The following SLC15A3 variants were observed in gnomAD, a reference collection of about 807,000 sequenced individuals.
The protein encoded by SLC15A3 is osteoclast transporter.
In SLC15A3, 39 loss-of-function variants were observed where a neutral mutation model predicts 49.2. That is an observed-to-expected ratio of 0.79 (90% CI 0.61 to 1.04). The LOEUF (loss-of-function observed/expected upper bound fraction) is 1.04, where lower values mean the gene tolerates loss of function less well. SLC15A3 is among the 50% of genes least tolerant of loss of function. The pLI, the probability that SLC15A3 is intolerant of heterozygous loss-of-function variation, is 0.00. For synonymous variants in SLC15A3, 339 were observed against 367.0 expected (o/e 0.92, Z 0.87); for missense variants, 758 against 794.8 (o/e 0.95, Z 0.56).
At position 60,937,925 on chromosome 11, in the gene SLC15A3, G is replaced by T. The variant is rs1363281698; in HGVS notation, c.1536C>A (p.Ser512Arg). The change falls in exon 7 of 8, where the codon AGC (serine) becomes AGA (arginine). Residue 512 changes from serine to arginine, a missense_variant. Physicochemically the swap from Ser to Arg is moderately radical, Grantham distance 110. Around this residue, in one of 3 missense-constraint regions of SLC15A3, gnomAD observed 699 missense variants for 706.7 expected, o/e 0.99. Coordinates refer to ENST00000227880, the MANE Select transcript of SLC15A3 (RefSeq NM_016582.3). The stretch of plus-strand genomic sequence containing the variant: ...CGGGCAAGGACAGCAGTGCCACTAG[G>T]CTGGAGCCCAACAGTGAGCCCACCC... ...LSGVGSLLGS[S>R]LVALLSLPGG... 1 of 1,614,208 alleles carries T rather than the reference G, an allele frequency of 6.2e-7. No homozygotes were observed. Among genetic ancestry groups the T allele is most frequent in the Non-Finnish European group, 8.5e-7 (1 of 1,180,006 alleles).
In SLC15A3 at chr11:60,941,406, C is replaced by T. The variant is rs1458883846; in HGVS notation, c.1108-116G>A. On this transcript the variant is annotated intron_variant, in intron 4 of 7. Transcript: ENST00000227880. ...TGACCCTGGGGTCCAGCTCCTTTCC[C>T]TCTCTGGAGTTCATGCTCCTCAGCT... 4 of 1,039,166 alleles carry T rather than the reference C, an allele frequency of 3.8e-6. No homozygotes were observed. In the African/African-American group the frequency reaches 4.9e-5, roughly 13 times the overall value. The allele number at this position is 1,039,166 out of a possible 1,614,324, so 64.4% of individuals were successfully genotyped here.
At chr11:60,939,911 C>T in intron 5 of SLC15A3, 1 of 410,576 alleles carries the variant, frequency 2.4e-6, no homozygotes, top group East Asian at 4.2e-5. Context: ...ATGTGCTAGG[C>T]ATTTACCATG....
rs1258101046 is a variant in SLC15A3 at position 60,941,265 on chromosome 11, G to A, written c.1133C>T (p.Ala378Val). The A allele has an allele frequency of 6.2e-7, 1 of 1,613,874 alleles. No homozygotes were observed. The highest frequency in any genetic ancestry group is 1.7e-5 in the Admixed American group (1 of 60,000). Residue 378 changes from alanine (A) to valine (V), a missense_variant, in exon 5 of 8, where the codon GCC (alanine) becomes GTC (valine). Transcript: ENST00000227880. ...YTIPEAWLLLANVVVVLILVP... is the reference protein window; with the variant it reads ...YTIPEAWLLLVNVVVVLILVP... ...CAGAATCAGCACCACCACAACATTG[G>A]CCAGGAGGAGCCAGGCTTCCGGGAT...
intron 2 of SLC15A3, among the ~76,000 whole-genome samples, chr11:60,944,860 T>C (rs1856779034): frequency 6.6e-6 from 1 of 152,184 alleles, no homozygotes; most frequent in Non-Finnish European, 1.5e-5. Context: ...CCTTTGCCCT[T>C]TGTCCTGAGA....
At chr11:60,937,487 G>A (rs1856636849) in intron 7 of SLC15A3, 114 bp from the exon 8 acceptor site, 1 of 1,372,822 alleles carries the variant, frequency 7.3e-7, no homozygotes, top group African/African-American at 1.4e-5. Flanking sequence ...GGCAGTGGTG[G>A]GATCTGAAGA....
chr11:60,951,062 C>A lies in SLC15A3; in HGVS notation c.490G>T (p.Gly164Cys). 6.7e-7 allele frequency: 1 copy of A among 1,492,316 alleles called. No individual in the cohort carries two copies. The allele number at this position is 1,492,316 out of a possible 1,614,324, so 92.4% of individuals were successfully genotyped here. ...SPYCAPVLYAGLLLLGLAASS... is the reference protein window; with the variant it reads ...SPYCAPVLYACLLLLGLAASS... ...GCGGCCAGGCCGAGTAGCAGCAGGC[C>A]CGCGTAGAGGACGGGCGCGCAGTAG... The change falls in exon 1 of 8, where the codon GGC (glycine) becomes TGC (cysteine). Residue 164 changes from glycine to cysteine, a missense_variant. Coordinates refer to ENST00000227880, the MANE Select transcript of SLC15A3 (RefSeq NM_016582.3).
rs1554986440 is a variant in SLC15A3 at position 60,949,564 on chromosome 11, G to GAAGGAAAGA, written c.558+1429_558+1430insTCTTTCCTT. Among the ~76,000 whole-genome samples, 3 of 118,016 alleles carry GAAGGAAAGA rather than the reference G, an allele frequency of 2.5e-5. 1 individual carries two copies. The East Asian group carries it at 7.9e-4, about 31-fold the overall frequency. The allele number at this position is 118,016 out of a possible 152,430, so 77.4% of individuals were successfully genotyped here. A position where few individuals can be genotyped will look rare whatever the true frequency, so the allele number is the denominator to read the frequency against. On this transcript the variant is annotated intron_variant, in intron 1 of 7. Transcript: ENST00000227880. ...AGAAAGAAAGAAAGAAAGAAAGAAA[G>GAAGGAAAGA]AAAGAAAAGAGATGGCCAGGGCTGG...
rs1430723596 is a variant in SLC15A3, at chr11:60,943,991, C to G, written c.849-155G>C. Among the ~76,000 whole-genome samples the G allele has an allele frequency of 2.6e-5, 4 of 152,174 alleles. No homozygotes were observed. In the East Asian group the frequency reaches 5.8e-4, roughly 22 times the overall value. On this transcript the variant is annotated intron_variant, in intron 2 of 7. Coordinates refer to ENST00000227880, the MANE Select transcript of SLC15A3 (RefSeq NM_016582.3). ...TGGCCAAGATGATGAAACTCCGTCCCTACTAAAAATACAAAAATTAGCCAG... is the reference window on the plus strand; with the variant it reads ...TGGCCAAGATGATGAAACTCCGTCCGTACTAAAAATACAAAAATTAGCCAG...
chr11:60,950,845 C>T (rs1022108542), intron 1 of SLC15A3, 149 bp downstream of exon 1: 4 of 780,448 alleles, frequency 5.1e-6, no homozygotes, highest in Non-Finnish European at 7.4e-6. Context: ...CGGTTGCCAT[C>T]GGTTTTGCAA....
Position 60,946,558 on chromosome 11 carries a change from G to C in SLC15A3, c.822C>G (p.Pro274=). The part of the protein sequence containing the change: ...MLKLALQNCC[P]QLWQRHSARD... Reference sequence around the variant, plus strand: ...TGGCCGAGTGTCGTTGCCACAGCTGGGGGCAGCAGTTTTGGAGAGCGAGCT... The same window carrying C: ...TGGCCGAGTGTCGTTGCCACAGCTGCGGGCAGCAGTTTTGGAGAGCGAGCT... The change falls in exon 2 of 8, where the codon CCC becomes CCG. Residue 274 remains proline, a synonymous_variant. Coordinates refer to ENST00000227880, the MANE Select transcript of SLC15A3 (RefSeq NM_016582.3). 5 of 1,581,438 alleles carry C rather than the reference G, an allele frequency of 3.2e-6. No individual in the cohort carries two copies. Among genetic ancestry groups the C allele is most frequent in the Non-Finnish European group, 4.3e-6 (5 of 1,159,672 alleles).
chr11:60,949,495 A>AGAAGGAAGGAAG (rs1248547381), intron 1 of SLC15A3, among the ~76,000 whole-genome samples: 1 of 138,088 alleles, frequency 7.2e-6, no homozygotes, highest in African/African-American at 2.8e-5. Context: ...GAAGAAAGAA[A>AGAAGGAAGGAAG]GAAAGAAGGA....
rs577377966 is a variant in SLC15A3 at position 60,951,573 on chromosome 11, C to G, written c.-22G>C. Reference sequence around the variant, plus strand: ...GCATCCTGGCTCCGGGCTGGGCCCCCCGCGGCTCTTCTCTCCTCTCCTCTC... The same window carrying G: ...GCATCCTGGCTCCGGGCTGGGCCCCGCGCGGCTCTTCTCTCCTCTCCTCTC... On this transcript the variant is annotated 5_prime_UTR_variant, in exon 1 of 8. Transcript: ENST00000227880. The G allele has an allele frequency of 1.4e-4, 157 of 1,136,060 alleles. No individual in the cohort carries two copies. The South Asian group carries it at 3.4e-3, about 25-fold the overall frequency. 70.4% of individuals were successfully genotyped at this position (1,136,060 alleles called of 1,614,324 possible).
At position 60,937,267 on chromosome 11, in the gene SLC15A3, C is replaced by G. The variant is rs369755845; in HGVS notation, c.1698G>C (p.Ala566=). Residue 566 remains alanine (A), a synonymous_variant, in exon 8 of 8, where the codon GCG becomes GCC. Transcript: ENST00000227880. ...FVWIAGRYER[A]SQGPASHSRF... ...GGCTGTGGGAGGCTGGGCCCTGGGA[C>G]GCCCTCTCATAGCGTCCAGCGATCC... 7 of 1,614,022 alleles carry G rather than the reference C, an allele frequency of 4.3e-6. No homozygotes were observed. In the African/African-American group the frequency reaches 5.3e-5, roughly 12 times the overall value.
chr11:60,941,402 T>TTCCCTCTCTGGAGTTCATGCTCCTC lies in SLC15A3; in HGVS notation c.1108-137_1108-113dup. On this transcript the variant is annotated intron_variant, in intron 4 of 7. Coordinates refer to ENST00000227880, the MANE Select transcript of SLC15A3 (RefSeq NM_016582.3). ...TGGGTGACCCTGGGGTCCAGCTCCT[T>TTCCCTCTCTGGAGTTCATGCTCCTC]TCCCTCTCTGGAGTTCATGCTCCTC... The TTCCCTCTCTGGAGTTCATGCTCCTC allele has an allele frequency of 2.7e-6, 3 of 1,109,750 alleles. No homozygotes were observed. In the Admixed American group the frequency reaches 8.6e-5, roughly 32 times the overall value. 68.7% of individuals were successfully genotyped at this position (1,109,750 alleles called of 1,614,324 possible). A position where few individuals can be genotyped will look rare whatever the true frequency, so the allele number is the denominator to read the frequency against.
At position 60,951,138 on chromosome 11, in the gene SLC15A3, C is replaced by G. The variant is rs1856911919; in HGVS notation, c.414G>C (p.Pro138=). Residue 138 remains proline, a synonymous_variant, in exon 1 of 8, where the codon CCG becomes CCC. Coordinates refer to ENST00000227880, the MANE Select transcript of SLC15A3 (RefSeq NM_016582.3). ...SSFCGEMPAS[P]LGPACPSAGC... ...CGGCCGAGGGGCAGGCAGGTCCCAGCGGCGACGCGGGCATCTCTCCGCAGA... is the reference window on the plus strand; with the variant it reads ...CGGCCGAGGGGCAGGCAGGTCCCAGGGGCGACGCGGGCATCTCTCCGCAGA... 7 of 1,485,480 alleles carry G rather than the reference C, an allele frequency of 4.7e-6. No individual in the cohort carries two copies. The highest frequency in any genetic ancestry group is 2.8e-5 in the East Asian group (1 of 36,276). The allele number at this position is 1,485,480 out of a possible 1,614,324, so 92.0% of individuals were successfully genotyped here. A position where few individuals can be genotyped will look rare whatever the true frequency, so the allele number is the denominator to read the frequency against.
At chr11:60,948,132 A>G (rs916100077) in intron 1 of SLC15A3, among the ~76,000 whole-genome samples, 10 of 152,124 alleles carry the variant, frequency 6.6e-5, no homozygotes, top group African/African-American at 2.4e-4. Context: ...ACAAGTATTT[A>G]TTTTTCCTTT....
In SLC15A3 at chr11:60,951,138, C is replaced by T; in HGVS notation, c.414G>A (p.Pro138=). 6.7e-7 allele frequency: 1 copy of T among 1,485,596 alleles called. No individual in the cohort carries two copies. Among genetic ancestry groups the T allele is most frequent in the Non-Finnish European group, 8.9e-7 (1 of 1,127,086 alleles). The allele number at this position is 1,485,596 out of a possible 1,614,324, so 92.0% of individuals were successfully genotyped here. The change falls in exon 1 of 8, where the codon CCG becomes CCA. Residue 138 remains proline (P), a synonymous_variant. Coordinates refer to ENST00000227880, the MANE Select transcript of SLC15A3 (RefSeq NM_016582.3). The part of the protein sequence containing the change: ...SSFCGEMPAS[P]LGPACPSAGC... ...CGGCCGAGGGGCAGGCAGGTCCCAG[C>T]GGCGACGCGGGCATCTCTCCGCAGA...
At chr11:60,944,230 A>G (rs1390045357) in intron 2 of SLC15A3, among the ~76,000 whole-genome samples, 2 of 152,038 alleles carry the variant, frequency 1.3e-5, no homozygotes, top group Non-Finnish European at 2.9e-5. Flanking sequence ...TTTCACTTCT[A>G]CCATCACCCC....
intron 7 of SLC15A3, 83 bp from the exon 8 acceptor site, chr11:60,937,456 GC>G: frequency 6.4e-7 from 1 of 1,570,136 alleles, no homozygotes; most frequent in South Asian, 1.1e-5. Flanking sequence ...TAGCCCTGGG[GC>G]TGGCAACTGA....
Sources: gnomAD v4.1 joint callset for allele counts (sites outside exome capture counted in the v4.1 genomes callset) on GRCh38, gnomAD v4.1.1 for gene constraint, gnomAD v4.1.1 regional missense constraint, MANE v1.5 for transcripts, NCBI Gene and HGNC (gene_info 2026-07-23, HGNC 2026-07-21) for gene names.